The following USH2A variants were observed in gnomAD, a reference collection of about 807,000 sequenced individuals.
USH2A encodes Usher syndrome 2A (autosomal recessive, mild).
USH2A carries 443 observed loss-of-function variants against 538.9 expected under a neutral mutation model. That is an observed-to-expected ratio of 0.82 (90% CI 0.76 to 0.89). USH2A has a LOEUF of 0.89. Ranked by LOEUF, USH2A falls within the 40% of genes least tolerant of loss-of-function variation. USH2A has a pLI of 0.00. For synonymous variants in USH2A, 2,413 were observed against 2,273.5 expected (o/e 1.06, Z -1.75); for missense variants, 6,633 against 6,324.8 (o/e 1.05, Z -1.65).
At chr1:216,107,194 T>C (rs2032754849) in intron 21 of USH2A, among the ~76,000 whole-genome samples, 1 of 151,884 alleles carries the variant, frequency 6.6e-6, no homozygotes, top group Admixed American at 6.6e-5. Flanking sequence ...TATAGATTTT[T>C]ATCAACTTCT....
At chr1:216,211,215 A>C (rs571377724) in intron 15 of USH2A, among the ~76,000 whole-genome samples, 1 of 152,246 alleles carries the variant, frequency 6.6e-6, no homozygotes, top group African/African-American at 2.4e-5. Context: ...CTGAGCTGCC[A>C]AAGTAATTGA....
At chr1:215,866,493 G>C (rs1266633553) in intron 44 of USH2A, among the ~76,000 whole-genome samples, 1 of 152,156 alleles carries the variant, frequency 6.6e-6, no homozygotes, top group Non-Finnish European at 1.5e-5. Flanking sequence ...TCTGCCCATA[G>C]CCAGTCTGAA....
At chr1:215,666,209 C>A (rs1194385895) in intron 64 of USH2A, among the ~76,000 whole-genome samples, 1 of 152,064 alleles carries the variant, frequency 6.6e-6, no homozygotes, top group East Asian at 1.9e-4. Flanking sequence ...TTTACTCTTA[C>A]CACCAAAGAC....
chr1:216,078,427 G>C, intron 26 of USH2A, 65 bp from the exon 27 acceptor site: 1 of 1,483,202 alleles, frequency 6.7e-7, no homozygotes, highest in South Asian at 1.2e-5. Flanking sequence ...GTTTGGGAGA[G>C]AGCAGAAAGT....
intron 21 of USH2A, among the ~76,000 whole-genome samples, chr1:216,162,407 T>C (rs1039437944): frequency 6.6e-6 from 1 of 152,124 alleles, no homozygotes; most frequent in Non-Finnish European, 1.5e-5. Flanking sequence ...CTGTCCACCT[T>C]GTCCTTTATT....
chr1:215,773,492 G>C (rs74141407), intron 55 of USH2A, among the ~76,000 whole-genome samples: 6,156 of 84,102 alleles, frequency 0.073, 233 homozygotes, highest in African/African-American at 0.2. Context: ...CTGTCTCTCT[G>C]TCTCTCTCTC....
chr1:215,759,267 A>G (rs1310228310), intron 57 of USH2A, among the ~76,000 whole-genome samples: 1 of 152,164 alleles, frequency 6.6e-6, no homozygotes, highest in Non-Finnish European at 1.5e-5. Context: ...ATTCACAACT[A>G]TATGTGGTGT....
In USH2A at chr1:216,123,276, T is replaced by A. The variant is rs560083991; in HGVS notation, c.4628-26063A>T. Reference sequence around the variant, plus strand: ...TGCAGAAAATACAGAAGGATATTTTTAAAAAGTAGGTAAAGAGTAAGTTGT... The same window carrying A: ...TGCAGAAAATACAGAAGGATATTTTAAAAAAGTAGGTAAAGAGTAAGTTGT... On this transcript the variant is annotated intron_variant, in intron 21 of 71. Transcript: ENST00000307340. Among the ~76,000 whole-genome samples the A allele has an allele frequency of 2.0e-5, 3 of 152,320 alleles. No homozygotes were observed. The South Asian group carries it at 6.2e-4, about 32-fold the overall frequency.
rs779874575 is a variant in USH2A, at chr1:216,324,358, A to C, written c.1144-6T>G. ...TGAATGATAATATAAAACACCTGAA[A>C]ATGGAAAGTTAATTAATGTAATTAA... On this transcript the variant is annotated splice_region_variant and splice_polypyrimidine_tract_variant and intron_variant, in intron 6 of 71. Transcript: ENST00000307340. The C allele has an allele frequency of 1.9e-6, 3 of 1,606,548 alleles. No individual in the cohort carries two copies. Among genetic ancestry groups the C allele is most frequent in the Non-Finnish European group, 2.6e-6 (3 of 1,175,028 alleles).
chr1:216,184,515 AAGTGACT>A (rs2034558603), intron 20 of USH2A, among the ~76,000 whole-genome samples: 1 of 152,016 alleles, frequency 6.6e-6, no homozygotes. Context: ...ATGGAGCAGA[AAGTGACT>A]AGCTTAATGA....
At chr1:216,225,628 G>A (rs949392332) in intron 14 of USH2A, among the ~76,000 whole-genome samples, 4 of 152,184 alleles carry the variant, frequency 2.6e-5, no homozygotes, top group African/African-American at 9.7e-5. Context: ...GCAGTAGCCT[G>A]TAGACTCATT....
At chr1:216,137,423 G>A (rs115577326) in intron 21 of USH2A, among the ~76,000 whole-genome samples, 6 of 152,212 alleles carry the variant, frequency 3.9e-5, no homozygotes, top group Admixed American at 1.3e-4. Flanking sequence ...GCAGAAACCC[G>A]TGATAAACCC....
chr1:215,647,124 T>C (rs1656879512), intron 67 of USH2A, among the ~76,000 whole-genome samples: 1 of 152,216 alleles, frequency 6.6e-6, no homozygotes, highest in Non-Finnish European at 1.5e-5. Context: ...CTTGCCCTTT[T>C]GCTTTTCCTA....
chr1:216,251,442 C>CTTTTTTT (rs779947689), intron 11 of USH2A, among the ~76,000 whole-genome samples: 7 of 80,386 alleles, frequency 8.7e-5, no homozygotes, highest in Admixed American at 2.0e-4. Context: ...ACCACTTCCC[C>CTTTTTTT]TTTTTTTTTT....
intron 47 of USH2A, among the ~76,000 whole-genome samples, chr1:215,830,326 G>C (rs1663275945): frequency 6.6e-6 from 1 of 152,208 alleles, no homozygotes; most frequent in African/African-American, 2.4e-5. Context: ...CAGAGCCAAG[G>C]AGCTGCACTG....
chr1:216,008,416 T>C, intron 32 of USH2A, among the ~76,000 whole-genome samples: 1 of 151,238 alleles, frequency 6.6e-6, no homozygotes, highest in Non-Finnish European at 1.5e-5. Context: ...CCTACCCAAA[T>C]CCTATAAAAC....
intron 11 of USH2A, among the ~76,000 whole-genome samples, chr1:216,263,215 C>T (rs1382994736): frequency 6.6e-6 from 1 of 152,052 alleles, no homozygotes; most frequent in African/African-American, 2.4e-5. Context: ...GAACTAATAC[C>T]ATTTTTTCTT....
rs2035533085 is a variant in USH2A, at chr1:216,224,996, A to C, written c.2993+6957T>G. 3.9e-5 allele frequency among the ~76,000 whole-genome samples: 6 copies of C among 152,160 alleles called. No homozygotes were observed. In the South Asian group the frequency reaches 1.2e-3, roughly 32 times the overall value. ...AACCTACCACAGTGCCTAGATTTCA[A>C]AGTAGATTCAAATGATTTTGAATCT... On this transcript the variant is annotated intron_variant, in intron 14 of 71. Transcript: ENST00000307340.
chr1:216,066,788 T>A (rs2031388783), intron 30 of USH2A, among the ~76,000 whole-genome samples: 1 of 152,196 alleles, frequency 6.6e-6, no homozygotes, highest in African/African-American at 2.4e-5. Context: ...ATTTTCAATA[T>A]TCTTCTGAGG....
Sources: gnomAD v4.1 joint callset for allele counts (sites outside exome capture counted in the v4.1 genomes callset) on GRCh38, gnomAD v4.1.1 for gene constraint, MANE v1.5 for transcripts, NCBI Gene and HGNC (gene_info 2026-07-23, HGNC 2026-07-21) for gene names.